BAALC: variants seen among roughly 807,000 people sequenced by gnomAD.
BAALC encodes brain and acute leukemia cytoplasmic protein.
Under a neutral mutation model 15.5 loss-of-function variants are expected in BAALC, and 9 were observed. The ratio of observed to expected loss-of-function variants is 0.58; its 90% confidence interval spans 0.35 to 1.02. The LOEUF (loss-of-function observed/expected upper bound fraction) is 1.02, where lower values mean the gene tolerates loss of function less well. BAALC is among the 50% of genes least tolerant of loss of function. The pLI is 0.02. For synonymous variants in BAALC, 80 were observed against 74.6 expected (o/e 1.07, Z -0.37); for missense variants, 201 against 192.4 (o/e 1.04, Z -0.27).
chr8:103,173,610 G>A (rs947968280), intron 1 of BAALC, among the ~76,000 whole-genome samples: 3 of 152,128 alleles, frequency 2.0e-5, no homozygotes, highest in Non-Finnish European at 4.4e-5. Flanking sequence ...AGGCAAATTG[G>A]CCAAAATGTA....
chr8:103,197,918 G>C (rs1812130937), intron 1 of BAALC, among the ~76,000 whole-genome samples: 2 of 152,160 alleles, frequency 1.3e-5, no homozygotes, highest in Admixed American at 6.5e-5. Flanking sequence ...GACGAGATTT[G>C]GAGGAGACAA....
intron 1 of BAALC, among the ~76,000 whole-genome samples, chr8:103,177,274 T>A (rs369097555): frequency 6.6e-6 from 1 of 151,242 alleles, no homozygotes; most frequent in African/African-American, 2.4e-5. Context: ...GTAGCTTCAC[T>A]CCTGGGCCCA....
At chr8:103,159,167 T>TACC (rs1431536369) in intron 1 of BAALC, among the ~76,000 whole-genome samples, 1 of 152,160 alleles carries the variant, frequency 6.6e-6, no homozygotes, top group African/African-American at 2.4e-5. Flanking sequence ...GGTGATGAGG[T>TACC]ATTCTTTCCA....
At chr8:103,183,698 C>A (rs994145339) in intron 1 of BAALC, among the ~76,000 whole-genome samples, 4 of 152,172 alleles carry the variant, frequency 2.6e-5, no homozygotes, top group Non-Finnish European at 5.9e-5. Flanking sequence ...GCCCCACCAC[C>A]TCTGCTCCAT....
At chr8:103,177,620 C>T (rs1479365384) in intron 1 of BAALC, among the ~76,000 whole-genome samples, 1 of 152,168 alleles carries the variant, frequency 6.6e-6, no homozygotes, top group Non-Finnish European at 1.5e-5. Flanking sequence ...ATTCCAGTTT[C>T]TCACAGTAAA....
At chr8:103,214,600 G>C (rs1007242547) in intron 2 of BAALC, among the ~76,000 whole-genome samples, 9 of 152,206 alleles carry the variant, frequency 5.9e-5, no homozygotes, top group African/African-American at 2.2e-4. Context: ...CAGAAAACCT[G>C]TTGCAAATTC....
chr8:103,150,717 A>G (rs1014321639), intron 1 of BAALC, among the ~76,000 whole-genome samples: 1 of 152,216 alleles, frequency 6.6e-6, no homozygotes, highest in Non-Finnish European at 1.5e-5. Context: ...ATGTCTTCAC[A>G]GGCATTTTAG....
At chr8:103,158,299 C>T (rs556230959) in intron 1 of BAALC, among the ~76,000 whole-genome samples, 1 of 152,284 alleles carries the variant, frequency 6.6e-6, no homozygotes, top group South Asian at 2.1e-4. Flanking sequence ...TATTGCGCAA[C>T]ATGGTGACTA....
chr8:103,203,358 G>A (rs1812260225), intron 1 of BAALC, among the ~76,000 whole-genome samples: 1 of 152,098 alleles, frequency 6.6e-6, no homozygotes, highest in Non-Finnish European at 1.5e-5. Flanking sequence ...ATCCAAATGT[G>A]CTTCTATATT....
intron 1 of BAALC, among the ~76,000 whole-genome samples, chr8:103,159,630 T>C (rs1811177541): frequency 6.6e-6 from 1 of 152,182 alleles, no homozygotes. Flanking sequence ...ATACTCAGGG[T>C]TTCCCATCTT....
intron 1 of BAALC, chr8:103,208,379 T>A (rs758497164): frequency 1.4e-4 from 22 of 152,192 alleles, no homozygotes; most frequent in Non-Finnish European, 2.6e-4. Context: ...GACCAAATGA[T>A]GGATTTTTAA....
intron 1 of BAALC, chr8:103,191,309 G>A (rs1021850656): frequency 2.0e-5 from 3 of 152,062 alleles, no homozygotes; most frequent in African/African-American, 7.2e-5. Context: ...CATGAGCTGC[G>A]TGTTCTGATT....
intron 1 of BAALC, among the ~76,000 whole-genome samples, chr8:103,184,221 G>A (rs1182968946): frequency 6.6e-6 from 1 of 152,150 alleles, no homozygotes; most frequent in Non-Finnish European, 1.5e-5. Flanking sequence ...GATATTTCAG[G>A]ATAATCTATT....
At chr8:103,170,536 G>A (rs1811459823) in intron 1 of BAALC, among the ~76,000 whole-genome samples, 1 of 152,150 alleles carries the variant, frequency 6.6e-6, no homozygotes, top group Non-Finnish European at 1.5e-5. Context: ...TGCAGTGAAG[G>A]CAGAGATTGA....
chr8:103,184,670 C>T (rs1406750264), intron 1 of BAALC, among the ~76,000 whole-genome samples: 1 of 152,178 alleles, frequency 6.6e-6, no homozygotes, highest in African/African-American at 2.4e-5. Flanking sequence ...TGCATGAGCA[C>T]ATGTGAGTGT....
At chr8:103,141,530 G>T (rs1810777612) in intron 1 of BAALC, 1 of 155,716 alleles carries the variant, frequency 6.4e-6, no homozygotes, top group Non-Finnish European at 1.4e-5. Flanking sequence ...CAAGGCGCCT[G>T]CCTGGGATCG....
intron 1 of BAALC, among the ~76,000 whole-genome samples, chr8:103,206,589 G>T (rs566596238): frequency 2.6e-5 from 4 of 152,288 alleles, no homozygotes; most frequent in Admixed American, 2.6e-4. Context: ...TGTGCATTCA[G>T]GTCAGTCGTC....
intron 1 of BAALC, among the ~76,000 whole-genome samples, chr8:103,184,979 C>A (rs1309673822): frequency 1.3e-5 from 2 of 152,108 alleles, no homozygotes; most frequent in African/African-American, 4.8e-5. Flanking sequence ...AGAGATCTGT[C>A]CTTGGGCACG....
chr8:103,175,193 A>C (rs1811581095), intron 1 of BAALC, among the ~76,000 whole-genome samples: 2 of 152,172 alleles, frequency 1.3e-5, no homozygotes, highest in South Asian at 2.1e-4. Flanking sequence ...AGCACCAGAG[A>C]CCTCATCTCT....
Sources: gnomAD v4.1 joint callset for allele counts (sites outside exome capture counted in the v4.1 genomes callset) on GRCh38, gnomAD v4.1.1 for gene constraint, MANE v1.5 for transcripts, NCBI Gene and HGNC (gene_info 2026-07-23, HGNC 2026-07-21) for gene names.